ARMH4: variants seen among roughly 807,000 people sequenced by gnomAD.
The protein encoded by ARMH4 is armadillo like helical domain containing 4.
Under a neutral mutation model 61.9 loss-of-function variants are expected in ARMH4, and 49 were observed. That is an observed-to-expected ratio of 0.79 (90% confidence interval 0.63 to 1.00). ARMH4 has a LOEUF of 1.00. ARMH4 is among the 50% of genes least tolerant of loss of function. ARMH4 has a pLI of 0.00. For synonymous variants in ARMH4, 368 were observed against 341.5 expected (o/e 1.08, Z -0.85); for missense variants, 934 against 930.0 (o/e 1.00, Z -0.06).
At chr14:58,111,570 G>A (rs1310081021) in intron 4 of ARMH4, among the ~76,000 whole-genome samples, 2 of 152,172 alleles carry the variant, frequency 1.3e-5, no homozygotes, top group African/African-American at 4.8e-5. Flanking sequence ...CAGCCAGGTG[G>A]GTTTCTGGTA....
chr14:58,097,897 G>C (rs1052240497), intron 4 of ARMH4, among the ~76,000 whole-genome samples: 3 of 152,018 alleles, frequency 2.0e-5, no homozygotes, highest in Non-Finnish European at 4.4e-5. Context: ...AATGCTCCAA[G>C]TGGAGTGGGT....
intron 4 of ARMH4, among the ~76,000 whole-genome samples, chr14:58,118,840 G>A (rs79122477): frequency 0.012 from 1,773 of 152,218 alleles, 35 homozygotes; most frequent in African/African-American, 0.04. Context: ...CAAGTGAAAG[G>A]ATGTACATCT....
intron 5 of ARMH4, among the ~76,000 whole-genome samples, chr14:58,039,508 G>C (rs1883609740): frequency 6.6e-6 from 1 of 152,170 alleles, no homozygotes; most frequent in African/African-American, 2.4e-5. Flanking sequence ...AGACTTTGCA[G>C]AGATTATTTT....
At chr14:58,101,807 A>G (rs1389820639) in intron 4 of ARMH4, among the ~76,000 whole-genome samples, 3 of 152,156 alleles carry the variant, frequency 2.0e-5, no homozygotes, top group African/African-American at 7.2e-5. Flanking sequence ...AACGGGGGAG[A>G]GGGTGTGGAG....
In ARMH4 at chr14:58,148,191, C is replaced by T. The variant is rs1185639553; in HGVS notation, c.-57+3884G>A. Among the ~76,000 whole-genome samples, 3 of 152,170 alleles carry T rather than the reference C, an allele frequency of 2.0e-5. No homozygotes were observed. The South Asian group carries it at 6.2e-4, about 32-fold the overall frequency. ...CCTCCCGAGTAGCTAGGATAACAGG[C>T]ATGTGCCACCACACCCGGCTAATTT... On this transcript the variant is annotated intron_variant, in intron 1 of 7. Transcript: ENST00000267485.
At chr14:58,102,355 C>A (rs1486759700) in intron 4 of ARMH4, among the ~76,000 whole-genome samples, 3 of 152,070 alleles carry the variant, frequency 2.0e-5, no homozygotes, top group African/African-American at 7.2e-5. Context: ...GAGGGTGGAA[C>A]GGTGGTCCCA....
chr14:58,056,930 A>G (rs558787045), intron 5 of ARMH4, among the ~76,000 whole-genome samples: 11 of 152,224 alleles, frequency 7.2e-5, no homozygotes, highest in African/African-American at 2.2e-4. Flanking sequence ...CAGGGCCCAC[A>G]CCTGAAGAGA....
At chr14:58,100,448 G>A (rs1156621742) in intron 4 of ARMH4, among the ~76,000 whole-genome samples, 1 of 152,182 alleles carries the variant, frequency 6.6e-6, no homozygotes, top group Non-Finnish European at 1.5e-5. Flanking sequence ...GATTTAACCA[G>A]CAGCAAGTTT....
At position 58,003,485 on chromosome 14, in the gene ARMH4, TA is replaced by T. The variant is rs764595359; in HGVS notation, c.*1250del. 1 of 152,244 alleles carries T rather than the reference TA, an allele frequency of 6.6e-6. No individual in the cohort carries two copies. Among genetic ancestry groups the T allele is most frequent in the Non-Finnish European group, 1.5e-5 (1 of 68,046 alleles). 9.4% of individuals were successfully genotyped at this position (152,244 alleles called of 1,614,324 possible). ...AAGTACTCCACAGTGACAGCACTAT[TA>T]ATAAATAACTTTTATTCTTCCATGG... On this transcript the variant is annotated 3_prime_UTR_variant, in exon 8 of 8. Coordinates refer to ENST00000267485, the MANE Select transcript of ARMH4 (RefSeq NM_001001872.4).
intron 5 of ARMH4, among the ~76,000 whole-genome samples, chr14:58,030,058 AT>A (rs760581215): frequency 3.9e-5 from 6 of 152,184 alleles, no homozygotes; most frequent in Non-Finnish European, 7.4e-5. Flanking sequence ...ACAAAATAAA[AT>A]TTTTATGTAC....
intron 4 of ARMH4, among the ~76,000 whole-genome samples, chr14:58,125,889 G>A (rs779475737): frequency 9.2e-5 from 14 of 152,106 alleles, no homozygotes; most frequent in Admixed American, 4.6e-4. Context: ...AGGTGACCAC[G>A]TCCACCTTTA....
intron 6 of ARMH4, among the ~76,000 whole-genome samples, chr14:58,006,842 T>G (rs1216727765): frequency 6.6e-6 from 1 of 152,004 alleles, no homozygotes; most frequent in East Asian, 1.9e-4. Flanking sequence ...CACACCAACA[T>G]GGCACATGTA....
chr14:58,138,998 A>AG lies in ARMH4; in HGVS notation c.360dup (p.Ser121LeufsTer3). On this transcript the variant is annotated frameshift_variant, in exon 2 of 8. Coordinates refer to ENST00000267485, the MANE Select transcript of ARMH4 (RefSeq NM_001001872.4). LOFTEE classifies it high-confidence loss of function. ...CTGGAACCAAATACTTCTTCAGCTG[A>AG]GGGGACACCTGACTCAGTAGGTGTG... 1.2e-6 allele frequency: 2 copies of AG among 1,614,202 alleles called. No individual in the cohort carries two copies. Among genetic ancestry groups the AG allele is most frequent in the South Asian group, 2.2e-5 (2 of 91,090 alleles).
intron 5 of ARMH4, among the ~76,000 whole-genome samples, chr14:58,058,696 G>T (rs1431937067): frequency 6.6e-6 from 1 of 152,184 alleles, no homozygotes; most frequent in Non-Finnish European, 1.5e-5. Flanking sequence ...TGGCCATCTT[G>T]GTTTTGGTGG....
Position 58,131,479 on chromosome 14 carries a change from T to A in ARMH4, c.1831+33A>T, listed in dbSNP as rs1163290458. The A allele has an allele frequency of 3.2e-6, 5 of 1,556,766 alleles. No homozygotes were observed. In the East Asian group the frequency reaches 1.1e-4, roughly 35 times the overall value. Reference sequence around the variant, plus strand: ...TTTGCTCAGTGACTCACTCAACCAGTCCTTGAAAAGATCCCCTTCAAAGCA... The same window carrying A: ...TTTGCTCAGTGACTCACTCAACCAGACCTTGAAAAGATCCCCTTCAAAGCA... On this transcript the variant is annotated intron_variant, in intron 4 of 7. Coordinates refer to ENST00000267485, the MANE Select transcript of ARMH4 (RefSeq NM_001001872.4).
intron 5 of ARMH4, among the ~76,000 whole-genome samples, chr14:58,012,618 A>T (rs1274515715): frequency 6.6e-6 from 1 of 152,230 alleles, no homozygotes; most frequent in African/African-American, 2.4e-5. Flanking sequence ...CTGGCTCCAA[A>T]GAGAAGCATT....
intron 2 of ARMH4, 37 bp downstream of exon 2, chr14:58,137,953 T>G: frequency 6.4e-7 from 1 of 1,562,120 alleles, no homozygotes; most frequent in Non-Finnish European, 8.6e-7. Context: ...AGTTTCCAAA[T>G]TAAACCAAAG....
intron 1 of ARMH4, among the ~76,000 whole-genome samples, chr14:58,142,464 C>G (rs934729459): frequency 6.6e-6 from 1 of 151,618 alleles, no homozygotes; most frequent in Non-Finnish European, 1.5e-5. Flanking sequence ...CTTTTCTTTT[C>G]TTTTCTCTTC....
chr14:58,141,461 T>C (rs1470176522), intron 1 of ARMH4: 4 of 540,626 alleles, frequency 7.4e-6, no homozygotes, highest in Middle Eastern at 6.0e-4. Flanking sequence ...GGCTACAACA[T>C]CCAGAAAGAG....
Sources: allele counts gnomAD v4.1 joint callset (sites outside exome capture counted in the v4.1 genomes callset), GRCh38; gene constraint gnomAD v4.1.1; transcripts MANE v1.5; gene names NCBI Gene and HGNC (gene_info 2026-07-23, HGNC 2026-07-21).